Variants in INSL6 observed in about 807,000 individuals in gnomAD.
INSL6 encodes the protein insulin like 6, also known as insulin-like peptide INSL6.
In INSL6, 16 loss-of-function variants were observed where a neutral mutation model predicts 9.4. That is an observed-to-expected ratio of 1.70 (90% CI 1.15 to 2.59). The LOEUF is 2.59. INSL6 is among the 30% of genes most tolerant of loss of function. The pLI is 0.00. For synonymous variants in INSL6, 154 were observed against 96.9 expected (o/e 1.59, Z -3.46); for missense variants, 391 against 257.3 (o/e 1.52, Z -3.56).
chr9:5,150,846 GAC>G (rs59479266), intron 2 of INSL6, among the ~76,000 whole-genome samples: 14,406 of 146,018 alleles, frequency 0.099, 2,042 homozygotes, highest in African/African-American at 0.33. Context: ...GGATAAAGGA[GAC>G]ACACACACAC....
At chr9:5,046,442 A>G in the INSL6 span, among the ~76,000 whole-genome samples, 5 of 151,952 alleles carry the variant, frequency 3.3e-5, no homozygotes, top group Non-Finnish European at 5.9e-5. Context: ...TTTGTTTCCT[A>G]TGTTTTTGGT....
chr9:5,079,672 G>T, the INSL6 span, among the ~76,000 whole-genome samples: 1 of 152,108 alleles, frequency 6.6e-6, no homozygotes, highest in Non-Finnish European at 1.5e-5. Context: ...AGGTGCAGTG[G>T]CTCATGCCTG....
intron 1 of INSL6, among the ~76,000 whole-genome samples, chr9:5,182,554 C>T (rs1410046247): frequency 6.6e-6 from 1 of 151,908 alleles, no homozygotes; most frequent in Non-Finnish European, 1.5e-5. Flanking sequence ...AGAAGAGTGC[C>T]TAACACATGA....
the INSL6 span, chr9:5,112,794 T>C: frequency 3.6e-6 from 2 of 559,738 alleles, no homozygotes; most frequent in Non-Finnish European, 2.8e-6. Flanking sequence ...CAGATGGTGC[T>C]TTCAGCTGCC....
the INSL6 span, chr9:5,077,567 C>T: frequency 8.1e-6 from 12 of 1,482,372 alleles, no homozygotes; most frequent in South Asian, 5.9e-5. Context: ...TTGGCATGGG[C>T]CATGCATTTT....
the INSL6 span, chr9:5,111,927 C>T: frequency 8.6e-6 from 3 of 350,234 alleles, no homozygotes; most frequent in Admixed American, 7.2e-5. Flanking sequence ...AATCTACTCT[C>T]CGGATCACTC....
At chr9:5,047,978 T>G in the INSL6 span, among the ~76,000 whole-genome samples, 1 of 152,208 alleles carries the variant, frequency 6.6e-6, no homozygotes, top group African/African-American at 2.4e-5. Context: ...GTATTTATTA[T>G]GTTTTGGCAT....
chr9:5,080,132 G>A, the INSL6 span: 5 of 977,338 alleles, frequency 5.1e-6, no homozygotes, highest in South Asian at 7.6e-5. Context: ...AAATAGGCCT[G>A]ATTATTCAAA....
the INSL6 span, among the ~76,000 whole-genome samples, chr9:5,071,997 T>C: frequency 6.6e-6 from 1 of 152,198 alleles, no homozygotes. Context: ...TTATTGATCA[T>C]AACAATCCTA....
At chr9:5,019,201 T>G in the INSL6 span, among the ~76,000 whole-genome samples, 53,501 of 152,036 alleles carry the variant, frequency 0.35, 10,023 homozygotes, top group African/African-American at 0.49. Flanking sequence ...CTAATATTAG[T>G]TTGCTTTATG....
the INSL6 span, among the ~76,000 whole-genome samples, chr9:5,117,369 T>C: frequency 5.3e-5 from 8 of 152,236 alleles, no homozygotes; most frequent in Non-Finnish European, 1.0e-4. Context: ...GTGAGATTCA[T>C]ATTTTAGAAA....
the INSL6 span, among the ~76,000 whole-genome samples, chr9:5,059,388 G>A: frequency 6.6e-6 from 1 of 152,154 alleles, no homozygotes; most frequent in South Asian, 2.1e-4. Context: ...GTTGTTACAT[G>A]TGTCAGTTCA....
chr9:5,049,056 C>G, the INSL6 span, among the ~76,000 whole-genome samples: 7 of 152,196 alleles, frequency 4.6e-5, no homozygotes, highest in Admixed American at 6.5e-5. Flanking sequence ...CTCTCTTCTT[C>G]ATTCTTTAGA....
the INSL6 span, chr9:5,084,944 A>G: frequency 5.8e-5 from 37 of 633,036 alleles, no homozygotes; most frequent in Non-Finnish European, 9.8e-5. Flanking sequence ...GTATTCCACA[A>G]AATTCTTAGG....
the INSL6 span, among the ~76,000 whole-genome samples, chr9:5,002,041 G>A: frequency 4.4e-4 from 67 of 151,854 alleles, no homozygotes; most frequent in African/African-American, 1.5e-3. Context: ...ATCATATGGG[G>A]CACATATTGG....
At chr9:5,090,809 A>C in the INSL6 span, 1 of 1,613,654 alleles carries the variant, frequency 6.2e-7, no homozygotes, top group Non-Finnish European at 8.5e-7. Flanking sequence ...TTGGTGGAGA[A>C]CGAGAACAGA....
chr9:5,177,308 G>C (rs1309370260), intron 1 of INSL6, among the ~76,000 whole-genome samples: 1 of 152,194 alleles, frequency 6.6e-6, no homozygotes, highest in African/African-American at 2.4e-5. Flanking sequence ...CTCAGCCAAG[G>C]AAAGTGGTGA....
the INSL6 span, among the ~76,000 whole-genome samples, chr9:5,117,924 A>G: frequency 6.6e-6 from 1 of 152,338 alleles, no homozygotes; most frequent in South Asian, 2.1e-4. Context: ...TTAAGTATAT[A>G]TGCTCACTAA....
the INSL6 span, among the ~76,000 whole-genome samples, chr9:5,042,400 G>GT: frequency 1.3e-5 from 2 of 151,606 alleles, no homozygotes; most frequent in African/African-American, 4.8e-5. Flanking sequence ...GCCTCCCAAA[G>GT]TGCTGGGATT....
Sources: gnomAD v4.1 joint callset for allele counts (sites outside exome capture counted in the v4.1 genomes callset) on GRCh38, gnomAD v4.1.1 for gene constraint, MANE v1.5 for transcripts, NCBI Gene and HGNC (gene_info 2026-07-23, HGNC 2026-07-21) for gene names.